STIM2: variants seen among roughly 807,000 people sequenced by gnomAD.
STIM2 encodes stromal interaction molecule 2.
STIM2 carries 31 observed loss-of-function variants against 85.8 expected under a neutral mutation model. The ratio of observed to expected loss-of-function variants is 0.36; its 90% CI spans 0.27 to 0.49. The LOEUF is 0.49. STIM2 is among the 20% of genes least tolerant of loss of function. STIM2 has a pLI of 0.98. For missense variants in STIM2, 841 were observed against 927.6 expected (o/e 0.91, Z 1.21); for synonymous variants, 356 against 331.1 (o/e 1.08, Z -0.82).
At chr4:26,880,885 A>C (rs1722992670) in intron 1 of STIM2, among the ~76,000 whole-genome samples, 1 of 151,764 alleles carries the variant, frequency 6.6e-6, no homozygotes. Flanking sequence ...TCTTGTATAC[A>C]TAGGTTCTCT....
chr4:26,999,121 A>G (rs1728059850), intron 4 of STIM2, 111 bp from the exon 5 acceptor site: 2 of 373,572 alleles, frequency 5.4e-6, no homozygotes, highest in Non-Finnish European at 9.0e-6. Context: ...AACAGTGATC[A>G]TCAATAATAT....
chr4:26,987,727 A>C lies in STIM2; in HGVS notation c.398-7652A>C, dbSNP rs556967940. Among the ~76,000 whole-genome samples, 3 of 152,332 alleles carry C rather than the reference A, an allele frequency of 2.0e-5. No homozygotes were observed. In the South Asian group the frequency reaches 6.2e-4, roughly 32 times the overall value. ...TTTCTGTTACTCCCTCCAGGCCTTT[A>C]GTAGGCCCCAATGTATACTTGATGT... On this transcript the variant is annotated intron_variant, in intron 3 of 11. Coordinates refer to ENST00000467087, the MANE Select transcript of STIM2 (RefSeq NM_020860.4).
intron 1 of STIM2, among the ~76,000 whole-genome samples, chr4:26,900,231 G>T (rs968773611): frequency 3.3e-5 from 5 of 152,252 alleles, no homozygotes; most frequent in African/African-American, 1.2e-4. Flanking sequence ...CAGTCTTCCT[G>T]CTTTCCAAAG....
At chr4:27,013,958 G>A (rs979526520) in intron 10 of STIM2, among the ~76,000 whole-genome samples, 9 of 151,324 alleles carry the variant, frequency 5.9e-5, no homozygotes, top group African/African-American at 2.2e-4. Flanking sequence ...GTGTAGATTT[G>A]TGAAGTTACA....
intron 1 of STIM2, among the ~76,000 whole-genome samples, chr4:26,876,289 G>A (rs1047643943): frequency 6.6e-6 from 1 of 152,092 alleles, no homozygotes; most frequent in South Asian, 2.1e-4. Flanking sequence ...ACATGAAGAT[G>A]TTAGACAGTC....
chr4:26,983,167 G>A (rs553762578), intron 3 of STIM2, among the ~76,000 whole-genome samples: 7 of 152,292 alleles, frequency 4.6e-5, no homozygotes, highest in Admixed American at 2.6e-4. Flanking sequence ...GAGAAAAATC[G>A]GAATGCACAC....
intron 1 of STIM2, among the ~76,000 whole-genome samples, chr4:26,879,193 T>C (rs1240357526): frequency 6.6e-6 from 1 of 152,250 alleles, no homozygotes; most frequent in Admixed American, 6.5e-5. Flanking sequence ...TCTACTTGAC[T>C]ATGTAGTTAC....
chr4:26,920,196 G>T (rs1161795219), intron 2 of STIM2, among the ~76,000 whole-genome samples: 2 of 152,076 alleles, frequency 1.3e-5, no homozygotes, highest in African/African-American at 4.8e-5. Context: ...GTTCCAAGAG[G>T]GTAAGTTCCC....
intron 1 of STIM2, among the ~76,000 whole-genome samples, chr4:26,903,820 T>C (rs1045584319): frequency 4.6e-5 from 7 of 152,166 alleles, no homozygotes; most frequent in Admixed American, 1.3e-4. Context: ...CTGATTCTTT[T>C]TTTTGTTAGG....
chr4:26,909,232 G>C (rs1724241515), intron 1 of STIM2, among the ~76,000 whole-genome samples: 1 of 152,166 alleles, frequency 6.6e-6, no homozygotes, highest in African/African-American at 2.4e-5. Flanking sequence ...GTCCATGATA[G>C]TATTTAGTTA....
chr4:26,903,543 A>G (rs773332714), intron 1 of STIM2, among the ~76,000 whole-genome samples: 7 of 152,198 alleles, frequency 4.6e-5, no homozygotes, highest in Non-Finnish European at 1.0e-4. Flanking sequence ...ATACTGGTAA[A>G]TGTTAATTGA....
At chr4:26,890,772 C>A (rs965737158) in intron 1 of STIM2, among the ~76,000 whole-genome samples, 1 of 146,976 alleles carries the variant, frequency 6.8e-6, no homozygotes, top group East Asian at 2.0e-4. Context: ...TGCAGTGAGC[C>A]GAGATCCCGC....
In STIM2 at chr4:26,861,011, G is replaced by T. The variant is rs1042324413; in HGVS notation, c.-208G>T. 4 of 1,260,404 alleles carry T rather than the reference G, an allele frequency of 3.2e-6. No homozygotes were observed. The highest frequency in any genetic ancestry group is 3.5e-5 in the Admixed American group (1 of 28,402). 78.1% of individuals were successfully genotyped at this position (1,260,404 alleles called of 1,614,324 possible). A position where few individuals can be genotyped will look rare whatever the true frequency, so the allele number is the denominator to read the frequency against. On this transcript the variant is annotated 5_prime_UTR_variant, in exon 1 of 12. Coordinates refer to ENST00000467087, the MANE Select transcript of STIM2 (RefSeq NM_020860.4). ...AGGCCGCCGGTGCCGATGGGACCAGGCTGGCGCCCGGCGGGAGCCCGTGTC... is the reference window on the plus strand; with the variant it reads ...AGGCCGCCGGTGCCGATGGGACCAGTCTGGCGCCCGGCGGGAGCCCGTGTC...
At chr4:26,952,391 A>G (rs1030542664) in intron 2 of STIM2, among the ~76,000 whole-genome samples, 27 of 152,176 alleles carry the variant, frequency 1.8e-4, no homozygotes, top group African/African-American at 6.5e-4. Context: ...CCAAGAAATC[A>G]TACAGAATAT....
chr4:26,974,697 ATCTGACAATT>A (rs1419951907), intron 3 of STIM2, among the ~76,000 whole-genome samples: 7 of 152,152 alleles, frequency 4.6e-5, no homozygotes, highest in African/African-American at 1.7e-4. Context: ...ACCTTGGTGA[ATCTGACAATT>A]ATGCGTCTTG....
intron 5 of STIM2, among the ~76,000 whole-genome samples, chr4:27,001,445 A>G (rs1728152214): frequency 6.6e-6 from 1 of 152,216 alleles, no homozygotes; most frequent in African/African-American, 2.4e-5. Flanking sequence ...TCTGGCATAT[A>G]GACACCTAAA....
At chr4:26,950,393 T>C (rs1160618822) in intron 2 of STIM2, among the ~76,000 whole-genome samples, 1 of 152,204 alleles carries the variant, frequency 6.6e-6, no homozygotes, top group Admixed American at 6.5e-5. Context: ...GAACCATAAA[T>C]TCAGATTGGA....
Position 27,007,537 on chromosome 4 carries a change from G to T in STIM2, c.986G>T (p.Arg329Leu), listed in dbSNP as rs748529061. ...TCCTTCCTTTCCTTCTTCTAGGTTCGCATGGCTCTGAAAAAGGCCGAAAAA... is the reference window on the plus strand; with the variant it reads ...TCCTTCCTTTCCTTCTTCTAGGTTCTCATGGCTCTGAAAAAGGCCGAAAAA... The change falls in exon 8 of 12, where the codon CGC becomes CTC. Residue 329 changes from arginine (R) to leucine (L), a missense_variant. Physicochemically the swap from Arg to Leu is moderately radical, Grantham distance 102. Around this residue, in one of 3 missense-constraint regions of STIM2, gnomAD observed 408 missense variants for 525.4 expected, o/e 0.78. Coordinates refer to ENST00000467087, the MANE Select transcript of STIM2 (RefSeq NM_020860.4). 48 of 1,514,428 alleles carry T rather than the reference G, an allele frequency of 3.2e-5. No individual in the cohort carries two copies. Among genetic ancestry groups the T allele is most frequent in the Middle Eastern group, 1.8e-4 (1 of 5,674 alleles). 93.8% of individuals were successfully genotyped at this position (1,514,428 alleles called of 1,614,324 possible). A position where few individuals can be genotyped will look rare whatever the true frequency, so the allele number is the denominator to read the frequency against.
intron 1 of STIM2, among the ~76,000 whole-genome samples, chr4:26,912,269 A>G (rs762023638): frequency 4.6e-5 from 7 of 152,204 alleles, no homozygotes; most frequent in Non-Finnish European, 8.8e-5. Context: ...GCTGTTAAAC[A>G]CTGTTAGTGG....
Sources: allele counts gnomAD v4.1 joint callset (sites outside exome capture counted in the v4.1 genomes callset), GRCh38; gene constraint gnomAD v4.1.1; regional missense constraint gnomAD v4.1.1; transcripts MANE v1.5; gene names NCBI Gene and HGNC (gene_info 2026-07-23, HGNC 2026-07-21).